The following STRN3 variants were observed in gnomAD, a reference collection of about 807,000 sequenced individuals.
The protein encoded by STRN3 is striatin-3.
In STRN3, 29 loss-of-function variants were observed where a neutral mutation model predicts 95.6. The observed-to-expected ratio is 0.30, with a 90% confidence interval of 0.23 to 0.41. The LOEUF (loss-of-function observed/expected upper bound fraction) is 0.41, where lower values mean the gene tolerates loss of function less well. Among genes scored for constraint, STRN3 ranks in the 10% least tolerant of loss-of-function variants. The probability of loss-of-function intolerance (pLI) is 1.00; values close to 1 mark genes in which losing one functional copy is unlikely to be tolerated. For synonymous variants in STRN3, 331 were observed against 357.6 expected (o/e 0.93, Z 0.84); for missense variants, 890 against 972.1 (o/e 0.92, Z 1.12).
intron 3 of STRN3, 34 bp downstream of exon 3, chr14:30,955,586 A>T (rs984788805): frequency 2.6e-6 from 3 of 1,170,326 alleles, no homozygotes; most frequent in African/African-American, 3.7e-5. Context: ...AAATGAATTA[A>T]AAAAAAAAAA....
At chr14:30,929,982 C>CAAAAAAAAAAAAAAACAAAAAAAAA (rs1594452462) in intron 7 of STRN3, among the ~76,000 whole-genome samples, 1 of 25,918 alleles carries the variant, frequency 3.9e-5, no homozygotes, top group African/African-American at 1.5e-4. Flanking sequence ...AAAAAAAACT[C>CAAAAAAAAAAAAAAACAAAAAAAAA]AAATTCCACT....
At chr14:30,966,934 A>AG (rs1488372464) in intron 1 of STRN3, among the ~76,000 whole-genome samples, 2 of 152,038 alleles carry the variant, frequency 1.3e-5, no homozygotes, top group Non-Finnish European at 2.9e-5. Flanking sequence ...AGAAGGGGAA[A>AG]GGGGGGAAGC....
At chr14:30,994,200 A>G (rs1882097324) in intron 1 of STRN3, among the ~76,000 whole-genome samples, 1 of 152,120 alleles carries the variant, frequency 6.6e-6, no homozygotes. Context: ...TATGTTGGCC[A>G]GGATGGTCTT....
At chr14:30,953,832 G>T (rs972540891) in intron 3 of STRN3, among the ~76,000 whole-genome samples, 15 of 152,278 alleles carry the variant, frequency 9.9e-5, no homozygotes, top group African/African-American at 3.1e-4. Context: ...GTTTTGCCAT[G>T]TTGTCCAGGC....
At chr14:30,913,420 T>C in intron 10 of STRN3, 104 bp downstream of exon 10, 1 of 1,225,374 alleles carries the variant, frequency 8.2e-7, no homozygotes, top group South Asian at 2.1e-5. Context: ...CACAAACTTA[T>C]CTTTTCCATG....
chr14:30,918,077 T>C, intron 9 of STRN3, among the ~76,000 whole-genome samples: 1 of 152,182 alleles, frequency 6.6e-6, no homozygotes, highest in East Asian at 1.9e-4. Flanking sequence ...CCTACACATT[T>C]CTGGTTTAGG....
intron 1 of STRN3, among the ~76,000 whole-genome samples, chr14:30,971,687 A>C (rs183430666): frequency 2.5e-4 from 38 of 152,376 alleles, no homozygotes; most frequent in African/African-American, 9.1e-4. Context: ...AAAGTATAAC[A>C]AAAGCACTGC....
At chr14:30,924,929 G>A (rs1896985039) in intron 8 of STRN3, among the ~76,000 whole-genome samples, 1 of 152,110 alleles carries the variant, frequency 6.6e-6, no homozygotes, top group Non-Finnish European at 1.5e-5. Flanking sequence ...GGTAACCTGG[G>A]TGAAAAGTAT....
chr14:30,925,221 T>TG (rs1284671293), intron 8 of STRN3, among the ~76,000 whole-genome samples: 8 of 54,400 alleles, frequency 1.5e-4, no homozygotes, highest in Non-Finnish European at 2.5e-4. Context: ...TTCCTCTTGC[T>TG]GGGGGGAGGG....
At chr14:30,917,095 T>A (rs1896759581) in intron 9 of STRN3, among the ~76,000 whole-genome samples, 1 of 152,174 alleles carries the variant, frequency 6.6e-6, no homozygotes, top group South Asian at 2.1e-4. Flanking sequence ...AGTTGGGGAC[T>A]GCCACTGAAA....
Position 30,945,796 on chromosome 14 carries a change from A to C in STRN3, c.716+1294T>G, listed in dbSNP as rs56136668. On this transcript the variant is annotated intron_variant, in intron 5 of 17. Transcript: ENST00000357479. Reference sequence around the variant, plus strand: ...TTATATGAAATATCCAGAATATACAAATCTACAGAGACAGAGAGTAGATTA... The same window carrying C: ...TTATATGAAATATCCAGAATATACACATCTACAGAGACAGAGAGTAGATTA... 4.2e-3 allele frequency among the ~76,000 whole-genome samples: 634 copies of C among 152,322 alleles called. 1 individual carries two copies. The highest frequency in any genetic ancestry group is 0.01 in the Middle Eastern group (3 of 294).
At chr14:30,998,947 TA>T (rs1255168709) in intron 1 of STRN3, among the ~76,000 whole-genome samples, 2 of 151,884 alleles carry the variant, frequency 1.3e-5, no homozygotes, top group Non-Finnish European at 2.9e-5. Flanking sequence ...ACCTAAAAAA[TA>T]AAAGTTTTCA....
At chr14:30,925,127 A>G (rs537702019) in intron 8 of STRN3, among the ~76,000 whole-genome samples, 1 of 150,868 alleles carries the variant, frequency 6.6e-6, no homozygotes, top group Non-Finnish European at 1.5e-5. Flanking sequence ...GTGCATCTCA[A>G]TTATATTGTA....
chr14:30,974,973 T>G (rs1239838645), intron 1 of STRN3, among the ~76,000 whole-genome samples: 1 of 151,270 alleles, frequency 6.6e-6, no homozygotes, highest in Non-Finnish European at 1.5e-5. Context: ...TAATGTGAAG[T>G]ATGCCTACAC....
chr14:30,980,522 C>T (rs879935491), intron 1 of STRN3, among the ~76,000 whole-genome samples: 1 of 151,922 alleles, frequency 6.6e-6, no homozygotes, highest in Non-Finnish European at 1.5e-5. Context: ...GTTTTCCTGC[C>T]TCAGCCTCCC....
intron 1 of STRN3, among the ~76,000 whole-genome samples, chr14:30,959,002 G>A (rs1295586154): frequency 2.0e-5 from 3 of 152,108 alleles, no homozygotes; most frequent in African/African-American, 4.8e-5. Flanking sequence ...CAAGGAAAAC[G>A]CTCAAGAATT....
intron 1 of STRN3, among the ~76,000 whole-genome samples, chr14:31,003,840 T>C (rs1882589848): frequency 6.8e-6 from 1 of 147,258 alleles, no homozygotes; most frequent in Non-Finnish European, 1.5e-5. Flanking sequence ...GCGAGATTTC[T>C]TGTACAGGAT....
At chr14:30,946,845 G>T (rs943317292) in intron 5 of STRN3, among the ~76,000 whole-genome samples, 3 of 152,058 alleles carry the variant, frequency 2.0e-5, no homozygotes, top group Non-Finnish European at 4.4e-5. Context: ...CAGGAGTGGT[G>T]GTGGGTGCCT....
intron 15 of STRN3, among the ~76,000 whole-genome samples, chr14:30,903,127 T>G (rs1245540028): frequency 6.6e-6 from 1 of 152,242 alleles, no homozygotes; most frequent in Admixed American, 6.5e-5. Flanking sequence ...TCTTACTAAC[T>G]TTTTATTAAA....
Sources: allele counts gnomAD v4.1 joint callset (sites outside exome capture counted in the v4.1 genomes callset), GRCh38; gene constraint gnomAD v4.1.1; transcripts MANE v1.5; gene names NCBI Gene and HGNC (gene_info 2026-07-23, HGNC 2026-07-21).